The following KPNA3 variants were observed in gnomAD, a reference collection of about 807,000 sequenced individuals.
KPNA3 encodes importin subunit alpha-4.
In KPNA3, 13 loss-of-function variants were observed where a neutral mutation model predicts 73.8. The observed-to-expected ratio is 0.18, with a 90% CI of 0.11 to 0.28. The LOEUF (loss-of-function observed/expected upper bound fraction) is 0.28. KPNA3 is among the 10% of genes least tolerant of loss of function. The pLI is 1.00. For missense variants in KPNA3, 360 were observed against 618.1 expected (o/e 0.58, Z 4.43); for synonymous variants, 186 against 206.9 (o/e 0.90, Z 0.87).
At chr13:49,703,232 G>A (rs1467967302) in intron 15 of KPNA3, among the ~76,000 whole-genome samples, 1 of 135,140 alleles carries the variant, frequency 7.4e-6, no homozygotes, top group Non-Finnish European at 1.5e-5. Flanking sequence ...AGCCAGGGCT[G>A]GAGTGCAGTG....
At chr13:49,729,514 G>A (rs1954441522) in intron 6 of KPNA3, among the ~76,000 whole-genome samples, 1 of 152,218 alleles carries the variant, frequency 6.6e-6, no homozygotes, top group Non-Finnish European at 1.5e-5. Flanking sequence ...GCCGAGTGCG[G>A]TGGCTCACGC....
chr13:49,761,564 G>A (rs1217665947), intron 1 of KPNA3, among the ~76,000 whole-genome samples: 2 of 152,244 alleles, frequency 1.3e-5, no homozygotes, highest in African/African-American at 4.8e-5. Context: ...AGGCTGGAGT[G>A]CAGTGGCATG....
At chr13:49,782,069 C>T (rs141327843) in intron 1 of KPNA3, among the ~76,000 whole-genome samples, 1 of 152,268 alleles carries the variant, frequency 6.6e-6, no homozygotes, top group African/African-American at 2.4e-5. Flanking sequence ...ATGCCAGGGA[C>T]AAATTAGCCT....
intron 6 of KPNA3, among the ~76,000 whole-genome samples, chr13:49,730,300 A>C (rs910512337): frequency 1.3e-5 from 2 of 152,092 alleles, no homozygotes; most frequent in African/African-American, 2.4e-5. Context: ...TGGGAGGCTA[A>C]GGCAGGAGGA....
intron 1 of KPNA3, among the ~76,000 whole-genome samples, chr13:49,762,110 G>C (rs1400721505): frequency 6.9e-5 from 8 of 115,558 alleles, no homozygotes; most frequent in Admixed American, 6.4e-4. Flanking sequence ...AGGGAGGTGG[G>C]GGGCAGCCCC....
chr13:49,750,924 G>A (rs767466380), intron 1 of KPNA3, among the ~76,000 whole-genome samples: 17 of 152,090 alleles, frequency 1.1e-4, no homozygotes, highest in African/African-American at 3.6e-4. Context: ...CCTGGGAGGC[G>A]GAGGTTGCCA....
At chr13:49,761,692 G>C (rs1219571898) in intron 1 of KPNA3, among the ~76,000 whole-genome samples, 2 of 148,520 alleles carry the variant, frequency 1.3e-5, no homozygotes, top group Non-Finnish European at 3.0e-5. Flanking sequence ...GTCTCTGCCT[G>C]GCCGCCCATC....
chr13:49,736,851 A>G (rs1001229165), intron 2 of KPNA3, among the ~76,000 whole-genome samples: 3 of 152,154 alleles, frequency 2.0e-5, no homozygotes, highest in African/African-American at 7.2e-5. Context: ...ACCGTATATA[A>G]CCCTTGGCAA....
chr13:49,742,666 G>T (rs959486646), intron 2 of KPNA3, among the ~76,000 whole-genome samples: 5 of 151,874 alleles, frequency 3.3e-5, no homozygotes, highest in South Asian at 2.1e-4. Context: ...GTTTGATAGA[G>T]ATTGCACTGA....
At position 49,701,015 on chromosome 13, in the gene KPNA3, A is replaced by G. The variant is rs1459158959; in HGVS notation, c.*785T>C. On this transcript the variant is annotated 3_prime_UTR_variant, in exon 17 of 17. Transcript: ENST00000261667. ...TTGCAGCTCAGGTAAAATACCATGC[A>G]CAGCATTTGATTACTTCAAAACAGC... is the stretch of plus-strand genomic sequence containing the variant. 3 of 153,132 alleles carry G rather than the reference A, an allele frequency of 2.0e-5. No homozygotes were observed. The highest frequency in any genetic ancestry group is 7.2e-5 in the African/African-American group (3 of 41,446). 9.5% of individuals were successfully genotyped at this position (153,132 alleles called of 1,614,324 possible). A position where few individuals can be genotyped will look rare whatever the true frequency, so the allele number is the denominator to read the frequency against.
chr13:49,748,176 G>A (rs1954634314), intron 1 of KPNA3, among the ~76,000 whole-genome samples: 1 of 152,116 alleles, frequency 6.6e-6, no homozygotes. Context: ...AAGTCAGCCA[G>A]GGATGGTTTC....
chr13:49,783,917 T>A (rs7983303), intron 1 of KPNA3, among the ~76,000 whole-genome samples: 128,631 of 152,182 alleles, frequency 0.85, 54,604 homozygotes, highest in East Asian at 1. Context: ...TTAAATAAAT[T>A]AATAGAAGCT....
At position 49,741,681 on chromosome 13, in the gene KPNA3, C is replaced by T. The variant is rs1594445749; in HGVS notation, c.114+5268G>A. On this transcript the variant is annotated intron_variant, in intron 2 of 16. Coordinates refer to ENST00000261667, the MANE Select transcript of KPNA3 (RefSeq NM_002267.4). ...GTGTTACCCAGGATGGTCTTGATTT[C>T]CTGACCTTGTGATCCGCCCGCCTCG... 5.3e-5 allele frequency among the ~76,000 whole-genome samples: 8 copies of T among 152,284 alleles called. No individual in the cohort carries two copies. The South Asian group carries it at 1.7e-3, about 32-fold the overall frequency.
intron 6 of KPNA3, among the ~76,000 whole-genome samples, chr13:49,729,492 T>C (rs1251724430): frequency 2.0e-5 from 3 of 151,986 alleles, no homozygotes; most frequent in African/African-American, 4.8e-5. Flanking sequence ...CAATAACAAA[T>C]GGACATTTAT....
At position 49,722,124 on chromosome 13, in the gene KPNA3, C is replaced by A; in HGVS notation, c.557G>T (p.Gly186Val). 6.5e-7 allele frequency: 1 copy of A among 1,527,206 alleles called. No individual in the cohort carries two copies. The highest frequency in any genetic ancestry group is 2.2e-5 in the Admixed American group (1 of 45,844). The allele number at this position is 1,527,206 out of a possible 1,614,324, so 94.6% of individuals were successfully genotyped here. A position where few individuals can be genotyped will look rare whatever the true frequency, so the allele number is the denominator to read the frequency against. ...ATAATCTCTACATTGAGGACCATCA[C>A]CTACAGAAATGAAAATTATATTTAA... is the stretch of plus-strand genomic sequence containing the variant. ...QAVWALGNII[G>V]DGPQCRDYVI... The change falls in exon 9 of 17, where the codon GGT (glycine) becomes GTT (valine). Residue 186 changes from glycine (G) to valine (V), a missense_variant and splice_region_variant. Gly to Val is a moderately radical substitution (Grantham distance 109). This residue lies in a region of KPNA3 where 287 missense variants were observed against 549.1 expected (regional missense o/e 0.52). Transcript: ENST00000261667.
chr13:49,732,684 A>C, intron 4 of KPNA3, 27 bp from the exon 5 acceptor site: 1 of 1,553,246 alleles, frequency 6.4e-7, no homozygotes, highest in Non-Finnish European at 8.7e-7. Flanking sequence ...AAATTTCAGA[A>C]ATGAAAAAAA....
Position 49,700,944 on chromosome 13 carries a change from G to A in KPNA3, c.*856C>T, listed in dbSNP as rs1954141345. The A allele has an allele frequency of 6.6e-6, 1 of 152,176 alleles. No homozygotes were observed. Among genetic ancestry groups the A allele is most frequent in the African/African-American group, 2.4e-5 (1 of 41,268 alleles). The allele number at this position is 152,176 out of a possible 1,614,324, so 9.4% of individuals were successfully genotyped here. On this transcript the variant is annotated 3_prime_UTR_variant, in exon 17 of 17. Coordinates refer to ENST00000261667, the MANE Select transcript of KPNA3 (RefSeq NM_002267.4). ...TTTTGCTGTTTTTCCTTTATACTCA[G>A]GGACTCTTGCTTTCAACTTAAACAG... is the stretch of plus-strand genomic sequence containing the variant.
intron 12 of KPNA3, among the ~76,000 whole-genome samples, chr13:49,706,915 A>T (rs1954212990): frequency 2.0e-5 from 3 of 151,550 alleles, no homozygotes; most frequent in Admixed American, 2.0e-4. Flanking sequence ...CGCCCAGCTA[A>T]TTTTCTTCTA....
chr13:49,780,455 C>G (rs1445953574), intron 1 of KPNA3, among the ~76,000 whole-genome samples: 1 of 152,142 alleles, frequency 6.6e-6, no homozygotes, highest in Admixed American at 6.6e-5. Flanking sequence ...ACACTATAGT[C>G]AGGCCACCCA....
Sources: gnomAD v4.1 joint callset for allele counts (sites outside exome capture counted in the v4.1 genomes callset) on GRCh38, gnomAD v4.1.1 for gene constraint, gnomAD v4.1.1 regional missense constraint, MANE v1.5 for transcripts, NCBI Gene and HGNC (gene_info 2026-07-23, HGNC 2026-07-21) for gene names.